Variants in PHF6 observed in about 807,000 individuals in gnomAD.
PHF6 encodes the protein PHD-like zinc finger protein.
Under a neutral mutation model 34.0 loss-of-function variants are expected in PHF6, and 7 were observed. That is an observed-to-expected ratio of 0.21 (90% CI 0.12 to 0.39). The LOEUF (loss-of-function observed/expected upper bound fraction) is 0.39. PHF6 is among the 10% of genes least tolerant of loss of function. The probability of loss-of-function intolerance (pLI) is 1.00; values close to 1 mark genes in which losing one functional copy is unlikely to be tolerated. For synonymous variants in PHF6, 89 were observed against 88.4 expected (o/e 1.01, Z -0.04); for missense variants, 128 against 262.8 (o/e 0.49, Z 3.55).
intron 3 of PHF6, among the ~76,000 whole-genome samples, chrX:134,387,760 A>G (rs1455800826): frequency 2.7e-5 from 3 of 112,003 alleles, no homozygotes; most frequent in Non-Finnish European, 3.8e-5. Flanking sequence ...TAATCTATTC[A>G]GTAACTACTT....
intron 3 of PHF6, among the ~76,000 whole-genome samples, chrX:134,379,432 C>CTTTTTTTTTTTTTTTT (rs34099570): frequency 3.4e-4 from 9 of 26,277 alleles, no homozygotes; most frequent in Non-Finnish European, 4.6e-4. Context: ...CTTTTCTTTT[C>CTTTTTTTTTTTTTTTT]TTTTTTTTTT....
intron 3 of PHF6, among the ~76,000 whole-genome samples, chrX:134,392,721 G>A (rs1244104834): frequency 9.0e-6 from 1 of 110,604 alleles, no homozygotes; most frequent in South Asian, 3.8e-4. Flanking sequence ...TCCTTCCCTC[G>A]CTTTAAATGG....
intron 5 of PHF6, among the ~76,000 whole-genome samples, chrX:134,399,087 G>A (rs2077390352): frequency 9.0e-6 from 1 of 111,189 alleles, no homozygotes; most frequent in Non-Finnish European, 1.9e-5. Flanking sequence ...GGCTAGAGAG[G>A]TAGGAGGAAA....
intron 9 of PHF6, among the ~76,000 whole-genome samples, chrX:134,421,058 G>A (rs1337457004): frequency 1.8e-5 from 2 of 111,194 alleles, no homozygotes; most frequent in Non-Finnish European, 3.8e-5. Flanking sequence ...GGCTAAATGT[G>A]ATATAATTTT....
chrX:134,398,531 G>C (rs2077387630), intron 5 of PHF6, among the ~76,000 whole-genome samples: 1 of 112,202 alleles, frequency 8.9e-6, no homozygotes, highest in African/African-American at 3.2e-5. Flanking sequence ...AGAATGGCTT[G>C]TTGCAGGAAT....
intron 5 of PHF6, among the ~76,000 whole-genome samples, chrX:134,397,291 G>A (rs935427352): frequency 8.9e-6 from 1 of 112,123 alleles, no homozygotes; most frequent in Non-Finnish European, 1.9e-5. Context: ...GGAACTGTAT[G>A]TATTTACCTG....
chrX:134,417,336 A>C, intron 9 of PHF6, 34 bp downstream of exon 9: 1 of 1,187,980 alleles, frequency 8.4e-7, no homozygotes, highest in Non-Finnish European at 1.1e-6. Flanking sequence ...TTCCCTAAAC[A>C]TGTTAGTAAC....
At chrX:134,382,389 C>T (rs778432975) in intron 3 of PHF6, among the ~76,000 whole-genome samples, 1 of 111,030 alleles carries the variant, frequency 9.0e-6, no homozygotes, top group South Asian at 3.8e-4. Context: ...TCTTACTTAA[C>T]TCCAGTCATC....
At chrX:134,416,815 C>G (rs1369462533) in intron 8 of PHF6, among the ~76,000 whole-genome samples, 2 of 111,635 alleles carry the variant, frequency 1.8e-5, no homozygotes, top group African/African-American at 6.5e-5. Flanking sequence ...CTTATTCTTT[C>G]CCCTAATCAT....
At chrX:134,421,813 TAAA>T (rs199852581) in intron 9 of PHF6, among the ~76,000 whole-genome samples, 1 of 99,405 alleles carries the variant, frequency 1.0e-5, no homozygotes. Context: ...TTGCTTTCTT[TAAA>T]AAAAAAAAAA....
chrX:134,398,699 A>G (rs1304547699), intron 5 of PHF6, among the ~76,000 whole-genome samples: 1 of 111,732 alleles, frequency 8.9e-6, no homozygotes, highest in Middle Eastern at 4.2e-3. Flanking sequence ...AGATGACTCC[A>G]AGGTTTCTGG....
At chrX:134,390,678 C>T (rs1013467715) in intron 3 of PHF6, among the ~76,000 whole-genome samples, 1 of 111,428 alleles carries the variant, frequency 9.0e-6, no homozygotes. Flanking sequence ...TACTTTTGCC[C>T]ATTGTAGAAA....
At chrX:134,406,596 C>T (rs781675951) in intron 5 of PHF6, among the ~76,000 whole-genome samples, 9 of 111,249 alleles carry the variant, frequency 8.1e-5, no homozygotes, top group Non-Finnish European at 1.5e-4. Context: ...GGGCATTCCC[C>T]TCCCTATAGA....
chrX:134,422,941 C>T (rs1412110416), intron 9 of PHF6, among the ~76,000 whole-genome samples: 1 of 112,032 alleles, frequency 8.9e-6, no homozygotes, highest in African/African-American at 3.2e-5. Context: ...ATTAAAAAGA[C>T]GATTTTCAAA....
intron 3 of PHF6, 47 bp downstream of exon 3, chrX:134,378,153 A>G (rs753582534): frequency 2.3e-6 from 2 of 864,716 alleles, no homozygotes; most frequent in South Asian, 4.2e-5. Context: ...ATTTAAACTC[A>G]TTAAAGAGGA....
intron 5 of PHF6, among the ~76,000 whole-genome samples, chrX:134,396,271 A>G (rs1602702933): frequency 9.0e-6 from 1 of 111,718 alleles, no homozygotes; most frequent in East Asian, 2.8e-4. Context: ...TCTGATGAAT[A>G]CAAGTATGAG....
chrX:134,392,801 A>AT (rs749412474), intron 3 of PHF6, among the ~76,000 whole-genome samples: 1,338 of 97,386 alleles, frequency 0.014, 26 homozygotes, highest in African/African-American at 0.043. Context: ...AATTAAGTGG[A>AT]TTTTTTTTTT....
intron 5 of PHF6, among the ~76,000 whole-genome samples, chrX:134,408,272 A>T (rs952628509): frequency 8.9e-6 from 1 of 112,479 alleles, no homozygotes; most frequent in Admixed American, 9.5e-5. Context: ...CTGCTTCTTC[A>T]TCATTACAAA....
chrX:134,374,127 G>A (rs1436913313), intron 1 of PHF6, among the ~76,000 whole-genome samples: 2 of 111,225 alleles, frequency 1.8e-5, no homozygotes, highest in Non-Finnish European at 3.8e-5. Flanking sequence ...AGTGTGTATT[G>A]GGGGAATAAA....
Sources: gnomAD v4.1 joint callset for allele counts (sites outside exome capture counted in the v4.1 genomes callset) on GRCh38, gnomAD v4.1.1 for gene constraint, MANE v1.5 for transcripts, NCBI Gene and HGNC (gene_info 2026-07-23, HGNC 2026-07-21) for gene names.